Variants in SLC39A11 observed in about 807,000 individuals in gnomAD.
SLC39A11 encodes the protein zinc transporter ZIP11.
SLC39A11 carries 33 observed loss-of-function variants against 36.1 expected under a neutral mutation model. The observed-to-expected ratio is 0.91, with a 90% CI of 0.69 to 1.22. The LOEUF (loss-of-function observed/expected upper bound fraction) is 1.22. Among genes scored for constraint, SLC39A11 ranks in the 50% most tolerant of loss-of-function variants. The probability of loss-of-function intolerance (pLI) is 0.00; values close to 1 mark genes in which losing one functional copy is unlikely to be tolerated. For synonymous variants in SLC39A11, 166 were observed against 170.3 expected, an observed-to-expected ratio of 0.97 and a Z score of 0.20; for missense variants, 432 against 430.3, an observed-to-expected ratio of 1.00 and a Z score of -0.03.
At chr17:72,729,275 T>C (rs983988138) in intron 7 of SLC39A11, among the ~76,000 whole-genome samples, 13 of 148,376 alleles carry the variant, frequency 8.8e-5, no homozygotes, top group African/African-American at 3.2e-4. Context: ...GTCTCTCTAT[T>C]GCCCAGGATG....
chr17:72,706,127 C>A (rs568950201), intron 7 of SLC39A11, among the ~76,000 whole-genome samples: 1 of 152,264 alleles, frequency 6.6e-6, no homozygotes, highest in Non-Finnish European at 1.5e-5. Context: ...CCTGCCGACA[C>A]CTTGGGTTTC....
chr17:72,896,122 C>A (rs900107101), intron 5 of SLC39A11, among the ~76,000 whole-genome samples: 1 of 136,734 alleles, frequency 7.3e-6, no homozygotes, highest in Middle Eastern at 3.8e-3. Context: ...ATTTTTACAA[C>A]AAATTTTCAA....
At chr17:72,794,847 A>G (rs1189477943) in intron 6 of SLC39A11, among the ~76,000 whole-genome samples, 1 of 151,494 alleles carries the variant, frequency 6.6e-6, no homozygotes, top group Admixed American at 6.6e-5. Context: ...AAAACAACAC[A>G]CATTGACTAT....
intron 6 of SLC39A11, among the ~76,000 whole-genome samples, chr17:72,811,245 T>C (rs1394214973): frequency 1.3e-5 from 2 of 152,118 alleles, no homozygotes; most frequent in African/African-American, 4.8e-5. Flanking sequence ...TCTTCCTGTA[T>C]CCTCACATGG....
intron 7 of SLC39A11, among the ~76,000 whole-genome samples, chr17:72,678,924 G>A (rs2071394918): frequency 6.6e-6 from 1 of 152,174 alleles, no homozygotes; most frequent in African/African-American, 2.4e-5. Context: ...TTTACACAAT[G>A]GAATACTATT....
At chr17:72,892,820 C>T (rs528988871) in intron 5 of SLC39A11, among the ~76,000 whole-genome samples, 2 of 152,270 alleles carry the variant, frequency 1.3e-5, no homozygotes, top group East Asian at 3.9e-4. Flanking sequence ...CAGCCATTTC[C>T]CGCATAACTC....
intron 4 of SLC39A11, among the ~76,000 whole-genome samples, chr17:73,016,287 C>T (rs1015647619): frequency 2.0e-5 from 3 of 152,054 alleles, no homozygotes; most frequent in Admixed American, 1.3e-4. Flanking sequence ...CTGGGTTCCA[C>T]TCCAGTTCTC....
intron 4 of SLC39A11, among the ~76,000 whole-genome samples, chr17:72,955,584 C>T (rs1343883852): frequency 6.6e-6 from 1 of 151,324 alleles, no homozygotes; most frequent in East Asian, 1.9e-4. Context: ...GCTGGGATTA[C>T]AGGCGTGAGC....
In SLC39A11 at chr17:72,918,472, C is replaced by T. The variant is rs142139710; in HGVS notation, c.430+29280G>A. Among the ~76,000 whole-genome samples the T allele has an allele frequency of 1.4e-3, 209 of 152,280 alleles. 1 individual carries two copies. The highest frequency in any genetic ancestry group is 3.4e-3 in the Middle Eastern group (1 of 294). On this transcript the variant is annotated intron_variant, in intron 5 of 9. Transcript: ENST00000255559. ...TGATTTCCAAGGTCCACTTAAACTC[C>T]TAATGTCCCTGATTCACACCTTGCA... is the stretch of plus-strand genomic sequence containing the variant.
At chr17:72,701,191 C>T (rs1003766235) in intron 7 of SLC39A11, among the ~76,000 whole-genome samples, 3 of 152,212 alleles carry the variant, frequency 2.0e-5, no homozygotes. Context: ...TTGGCACTGC[C>T]AACAATGCCT....
intron 3 of SLC39A11, among the ~76,000 whole-genome samples, chr17:73,040,834 A>G (rs1384335034): frequency 6.6e-6 from 1 of 151,874 alleles, no homozygotes; most frequent in Admixed American, 6.6e-5. Context: ...AAAATACAAA[A>G]ATTAGCCAGG....
chr17:72,716,396 A>C (rs893214541), intron 7 of SLC39A11, among the ~76,000 whole-genome samples: 21 of 151,738 alleles, frequency 1.4e-4, no homozygotes, highest in Admixed American at 7.9e-4. Context: ...GACTGAGCTG[A>C]GTAACGTGTT....
At chr17:72,685,637 T>C (rs2071711991) in intron 7 of SLC39A11, among the ~76,000 whole-genome samples, 1 of 152,220 alleles carries the variant, frequency 6.6e-6, no homozygotes, top group Admixed American at 6.5e-5. Context: ...TGGCTTTCCA[T>C]GCAACACACA....
chr17:72,890,559 G>C (rs922921066), intron 5 of SLC39A11, among the ~76,000 whole-genome samples: 1 of 152,192 alleles, frequency 6.6e-6, no homozygotes, highest in Non-Finnish European at 1.5e-5. Context: ...AAAGGAGACA[G>C]AGAAAGCTGA....
Position 72,900,126 on chromosome 17 carries a change from GAAAGAAAGAAAGAA to G in SLC39A11, c.430+47612_430+47625del, listed in dbSNP as rs2082275006. 3.7e-5 allele frequency among the ~76,000 whole-genome samples: 3 copies of G among 81,674 alleles called. 1 individual carries two copies. The highest frequency in any genetic ancestry group is 1.7e-4 in the African/African-American group (2 of 11,912). 53.6% of individuals were successfully genotyped at this position (81,674 alleles called of 152,430 possible). ...AAGAAAGAAAAAGAAAGAAAGAAAAGAAAGAAAGAAAGAAAAAGAAAGAAAGAAAAGAAAGAAAG... is the reference window on the plus strand; with the variant it reads ...AAGAAAGAAAAAGAAAGAAAGAAAAGAAAGAAAGAAAGAAAAGAAAGAAAG... On this transcript the variant is annotated intron_variant, in intron 5 of 9. Transcript: ENST00000255559.
chr17:72,800,303 A>ATTTTTTTTTTTTTTTTTTTTTTTTT (rs34172959), intron 6 of SLC39A11, among the ~76,000 whole-genome samples: 1 of 90,368 alleles, frequency 1.1e-5, no homozygotes, highest in Non-Finnish European at 2.3e-5. Context: ...ACCTACAATA[A>ATTTTTTTTTTTTTTTTTTTTTTTTT]TTTTTTTTTT....
intron 4 of SLC39A11, among the ~76,000 whole-genome samples, chr17:73,002,480 G>A (rs1313934727): frequency 6.6e-6 from 1 of 152,178 alleles, no homozygotes; most frequent in Non-Finnish European, 1.5e-5. Context: ...AAATGTTACT[G>A]TTCTATTTTG....
At chr17:73,059,432 T>C (rs1351257554) in intron 3 of SLC39A11, among the ~76,000 whole-genome samples, 1 of 152,012 alleles carries the variant, frequency 6.6e-6, no homozygotes, top group African/African-American at 2.4e-5. Flanking sequence ...TTGGGGAGGC[T>C]GAGGCAGGCA....
At chr17:72,893,249 T>C (rs2081851676) in intron 5 of SLC39A11, among the ~76,000 whole-genome samples, 1 of 151,926 alleles carries the variant, frequency 6.6e-6, no homozygotes. Context: ...GATTGCGAGG[T>C]CAAGAGTTCA....
Sources: allele counts gnomAD v4.1 joint callset (sites outside exome capture counted in the v4.1 genomes callset), GRCh38; gene constraint gnomAD v4.1.1; transcripts MANE v1.5; gene names NCBI Gene and HGNC (gene_info 2026-07-23, HGNC 2026-07-21).